TICRR: variants seen among roughly 807,000 people sequenced by gnomAD.
The protein encoded by TICRR is TOPBP1 interacting checkpoint and replication regulator, also known as treslin.
Under a neutral mutation model 178.1 loss-of-function variants are expected in TICRR, and 132 were observed. The observed-to-expected ratio is 0.74, with a 90% CI of 0.64 to 0.86. The LOEUF (loss-of-function observed/expected upper bound fraction) is 0.86. Among genes scored for constraint, TICRR ranks in the 40% least tolerant of loss-of-function variants. The probability of loss-of-function intolerance (pLI) is 0.00; values close to 1 mark genes in which losing one functional copy is unlikely to be tolerated. For synonymous variants in TICRR, 991 were observed against 900.7 expected, an observed-to-expected ratio of 1.10 and a Z score of -1.79; for missense variants, 2,587 against 2,334.3, an observed-to-expected ratio of 1.11 and a Z score of -2.23.
intron 9 of TICRR, 148 bp from the exon 10 acceptor site, chr15:89,601,146 TTATC>T (rs1302043310): frequency 1.7e-5 from 10 of 589,616 alleles, no homozygotes; most frequent in Non-Finnish European, 2.7e-5. Flanking sequence ...AATCACCTAT[TTATC>T]TAATAACTAC....
In TICRR at chr15:89,624,023, G is replaced by A. The variant is rs374791625; in HGVS notation, c.3713G>A (p.Arg1238Lys). Residue 1238 changes from arginine (R) to lysine (K), a missense_variant, in exon 20 of 22, where the codon AGA (arginine) becomes AAA (lysine). Arg to Lys is a conservative substitution (Grantham distance 26). Coordinates refer to ENST00000268138, the MANE Select transcript of TICRR (RefSeq NM_152259.4). The part of the protein sequence containing the change: ...PPTSSTAQPR[R>K]ECLTPIRDPL... Reference sequence around the variant, plus strand: ...ACTTCATCGACTGCCCAGCCCAGGAGAGAGTGTCTCACTCCCATCAGAGAC... The same window carrying A: ...ACTTCATCGACTGCCCAGCCCAGGAAAGAGTGTCTCACTCCCATCAGAGAC... The A allele has an allele frequency of 3.7e-6, 6 of 1,613,810 alleles. No homozygotes were observed. The Admixed American group carries it at 8.3e-5, about 22-fold the overall frequency.
In TICRR at chr15:89,600,646, A is replaced by G. The variant is rs1342912641; in HGVS notation, c.2114A>G (p.Asn705Ser). ...AAAACTAGTAAAAGTCTTCGACAGA[A>G]TCTAGGAAAAAAACTGGATAAGGAA... is the stretch of plus-strand genomic sequence containing the variant. ...LLKTSKSLRQ[N>S]LGKKLDKEDK... The change falls in exon 9 of 22, where the codon AAT becomes AGT. Residue 705 changes from asparagine (N) to serine (S), a missense_variant. By Grantham distance (46) the Asn-to-Ser change is conservative. Coordinates refer to ENST00000268138, the MANE Select transcript of TICRR (RefSeq NM_152259.4). 4 of 1,596,692 alleles carry G rather than the reference A, an allele frequency of 2.5e-6. No individual in the cohort carries two copies. The highest frequency in any genetic ancestry group is 3.4e-6 in the Non-Finnish European group (4 of 1,171,224).
rs1963182151 is a variant in TICRR, at chr15:89,606,791, G to A, written c.2688G>A (p.Gln896=). 6.2e-7 allele frequency: 1 copy of A among 1,613,706 alleles called. No individual in the cohort carries two copies. Among genetic ancestry groups the A allele is most frequent in the Admixed American group, 1.7e-5 (1 of 59,996 alleles). ...AGGAGAACTCTCACCCTGCTCCTCA[G>A]CAGCCTTCCCAGCCAGTGAAAGATA... The part of the protein sequence containing the change: ...TKKENSHPAP[Q]QPSQPVKDTV... Residue 896 remains glutamine (Q), a synonymous_variant, in exon 14 of 22, where the codon CAG becomes CAA. Coordinates refer to ENST00000268138, the MANE Select transcript of TICRR (RefSeq NM_152259.4).
chr15:89,585,217 G>A (rs1057263331), intron 3 of TICRR, among the ~76,000 whole-genome samples: 3 of 152,168 alleles, frequency 2.0e-5, no homozygotes, highest in African/African-American at 7.2e-5. Flanking sequence ...AGGGCACTGG[G>A]TTTGGGAGTC....
chr15:89,614,575 C>T (rs1963305353), intron 15 of TICRR, among the ~76,000 whole-genome samples: 1 of 152,188 alleles, frequency 6.6e-6, no homozygotes, highest in Admixed American at 6.5e-5. Context: ...AAGCAGTCCG[C>T]CTGCCTCAGC....
rs746304041 is a variant in TICRR at position 89,624,308 on chromosome 15, C to T, written c.3998C>T (p.Pro1333Leu). The change falls in exon 20 of 22, where the codon CCT becomes CTT. Residue 1333 changes from proline (P) to leucine (L), a missense_variant. By Grantham distance (98) the Pro-to-Leu change is moderately conservative. Transcript: ENST00000268138. ...TTTAGGAAATCTAAAATAGAGTGTC[C>T]TTCCCCAGGAGAACTGGATCAGAAA... Reference protein sequence around the residue: ...SPFRKSKIECPSPGELDQKEP... With the variant: ...SPFRKSKIECLSPGELDQKEP... 3 of 1,614,052 alleles carry T rather than the reference C, an allele frequency of 1.9e-6. No homozygotes were observed. Among genetic ancestry groups the T allele is most frequent in the Non-Finnish European group, 2.5e-6 (3 of 1,180,042 alleles).
At chr15:89,608,245 T>G (rs1039575161) in intron 14 of TICRR, among the ~76,000 whole-genome samples, 1 of 152,092 alleles carries the variant, frequency 6.6e-6, no homozygotes, top group African/African-American at 2.4e-5. Flanking sequence ...TACCAACAAA[T>G]TGTATAACCT....
At position 89,608,911 on chromosome 15, in the gene TICRR, G is replaced by A. The variant is rs753276367; in HGVS notation, c.2831G>A (p.Gly944Asp). 1 of 1,605,788 alleles carries A rather than the reference G, an allele frequency of 6.2e-7. No individual in the cohort carries two copies. Among genetic ancestry groups the A allele is most frequent in the East Asian group, 2.3e-5 (1 of 44,366 alleles). Residue 944 changes from glycine (G) to aspartate (D), a missense_variant, in exon 15 of 22, where the codon GGT becomes GAT. By Grantham distance (94) the Gly-to-Asp change is moderately conservative. Coordinates refer to ENST00000268138, the MANE Select transcript of TICRR (RefSeq NM_152259.4). Reference protein sequence around the residue: ...PRSHSVSAVDGLEDKLDNFKK... With the variant: ...PRSHSVSAVDDLEDKLDNFKK... The stretch of plus-strand genomic sequence containing the variant: ...AGCCATTCTGTGTCAGCTGTGGATG[G>A]TCTAGAGGATAAACTTGACAACTTC...
intron 6 of TICRR, among the ~76,000 whole-genome samples, 170 bp from the exon 7 acceptor site, chr15:89,595,223 T>C (rs1962977137): frequency 6.6e-6 from 1 of 152,244 alleles, no homozygotes; most frequent in South Asian, 2.1e-4. Context: ...AGGTTCTCTT[T>C]CTACCCTGTG....
intron 17 of TICRR, 28 bp from the exon 18 acceptor site, chr15:89,619,680 G>C: frequency 6.3e-7 from 1 of 1,585,732 alleles, no homozygotes. Context: ...GTTGTCTTTG[G>C]TTACTTACTG....
chr15:89,593,563 C>T (rs772433359), intron 5 of TICRR, among the ~76,000 whole-genome samples: 12 of 152,090 alleles, frequency 7.9e-5, no homozygotes, highest in Non-Finnish European at 1.2e-4. Context: ...AAAATTAGCC[C>T]GGCGTGGTGG....
In TICRR at chr15:89,582,796, T is replaced by C; in HGVS notation, c.765T>C (p.Ala255=). 2 of 1,614,218 alleles carry C rather than the reference T, an allele frequency of 1.2e-6. No individual in the cohort carries two copies. Among genetic ancestry groups the C allele is most frequent in the Non-Finnish European group, 1.7e-6 (2 of 1,180,040 alleles). The change falls in exon 2 of 22, where the codon GCT becomes GCC. Residue 255 remains alanine (A), a synonymous_variant. Coordinates refer to ENST00000268138, the MANE Select transcript of TICRR (RefSeq NM_152259.4). ...CTTTCAGCTGGGATTTTGCTCAAGCTGGGGAAATGCTGCTCAGGAGTGGAA... is the reference window on the plus strand; with the variant it reads ...CTTTCAGCTGGGATTTTGCTCAAGCCGGGGAAATGCTGCTCAGGAGTGGAA... ...SESFSWDFAQ[A]GEMLLRSGIK...
At chr15:89,599,235 T>A in intron 7 of TICRR, 89 bp from the exon 8 acceptor site, 89 of 688,896 alleles carry the variant, frequency 1.3e-4, no homozygotes, top group East Asian at 4.5e-4. Flanking sequence ...TGCAAGGAAA[T>A]ATTTTCCCCA....
At chr15:89,599,509 A>ATG in intron 8 of TICRR, 34 bp downstream of exon 8, 2 of 1,592,898 alleles carry the variant, frequency 1.3e-6, no homozygotes, top group East Asian at 2.2e-5. Context: ...TTTGTCATGG[A>ATG]TGTAGTGGTT....
chr15:89,618,828 A>G (rs906059043), intron 17 of TICRR, among the ~76,000 whole-genome samples: 1 of 152,196 alleles, frequency 6.6e-6, no homozygotes. Context: ...TCATGTTGGC[A>G]TACTCCTATG....
chr15:89,621,528 C>T lies in TICRR; in HGVS notation c.3290C>T (p.Ser1097Leu), dbSNP rs200110647. The change falls in exon 19 of 22, where the codon TCG (serine) becomes TTG (leucine). Residue 1097 changes from serine to leucine, a missense_variant. Transcript: ENST00000268138. ...AAGCGTTCAAGAAACACTTTGGATT[C>T]GGAGGTACCTGCAGCTTACCAGGTA... ...MKKRSRNTLD[S>L]EVPAAYQTPK... 1.4e-4 allele frequency: 219 copies of T among 1,613,022 alleles called. No homozygotes were observed. The Middle Eastern group carries it at 2.5e-3, about 18-fold the overall frequency.
intron 1 of TICRR, among the ~76,000 whole-genome samples, chr15:89,577,258 GCGTA>G (rs202204496): frequency 0.011 from 5 of 472 alleles, no homozygotes; most frequent in Non-Finnish European, 0.022. Flanking sequence ...GTACATTCTT[GCGTA>G]CATTCTTGCA....
In TICRR at chr15:89,594,506, T is replaced by A; in HGVS notation, c.1633T>A (p.Ser545Thr). 6.2e-7 allele frequency: 1 copy of A among 1,613,024 alleles called. No individual in the cohort carries two copies. The highest frequency in any genetic ancestry group is 1.1e-5 in the South Asian group (1 of 90,940). Reference protein sequence around the residue: ...HCLAELYQRKSREESTIAHQE... With the variant: ...HCLAELYQRKTREESTIAHQE... Reference sequence around the variant, plus strand: ...CCTTGCCGAGCTCTACCAGAGAAAATCTCGTGAAGAATCCACTATAGCTCA... The same window carrying A: ...CCTTGCCGAGCTCTACCAGAGAAAAACTCGTGAAGAATCCACTATAGCTCA... The change falls in exon 6 of 22, where the codon TCT becomes ACT. Residue 545 changes from serine to threonine, a missense_variant. Physicochemically the swap from Ser to Thr is moderately conservative, Grantham distance 58 (BLOSUM62 1). Coordinates refer to ENST00000268138, the MANE Select transcript of TICRR (RefSeq NM_152259.4).
rs1567045832 is a variant in TICRR, at chr15:89,601,855, CAA to C, written c.2447_2448del (p.Gln816ArgfsTer17). 2.5e-6 allele frequency: 4 copies of C among 1,614,124 alleles called. No homozygotes were observed. Among genetic ancestry groups the C allele is most frequent in the East Asian group, 2.2e-5 (1 of 44,878 alleles). On this transcript the variant is annotated frameshift_variant, in exon 12 of 22. Coordinates refer to ENST00000268138, the MANE Select transcript of TICRR (RefSeq NM_152259.4). LOFTEE classifies it high-confidence loss of function. ...TDFFSDDSMT[Q>X]ENKSPLLSVP... ...TTTTTTCAGTGATGACTCCATGACA[CAA>C]GAGAACAAATCACCACTTCTTTCTG...
Sources: gnomAD v4.1 joint callset for allele counts (sites outside exome capture counted in the v4.1 genomes callset) on GRCh38, gnomAD v4.1.1 for gene constraint, MANE v1.5 for transcripts, NCBI Gene and HGNC (gene_info 2026-07-23, HGNC 2026-07-21) for gene names.